BCHE: variants seen among roughly 807,000 people sequenced by gnomAD.
BCHE encodes the protein butyrylcholinesterase, also known as cholinesterase.
BCHE carries 48 observed loss-of-function variants against 51.3 expected under a neutral mutation model. The observed-to-expected ratio is 0.94, with a 90% confidence interval of 0.74 to 1.19. The LOEUF (loss-of-function observed/expected upper bound fraction) is 1.19, where lower values mean the gene tolerates loss of function less well. Ranked by LOEUF, BCHE falls within the 50% of genes most tolerant of loss-of-function variation. The pLI is 0.00. For synonymous variants in BCHE, 251 were observed against 238.0 expected (o/e 1.05, Z -0.50); for missense variants, 847 against 708.2 (o/e 1.20, Z -2.23).
At chr3:165,795,905 A>G (rs568509678) in intron 2 of BCHE, among the ~76,000 whole-genome samples, 2 of 152,168 alleles carry the variant, frequency 1.3e-5, no homozygotes, top group Admixed American at 6.5e-5. Flanking sequence ...GAATTTGGAT[A>G]TAGGTTTTTA....
chr3:165,830,592 T>C lies in BCHE; in HGVS notation c.442A>G (p.Thr148Ala). 2 of 1,614,010 alleles carry C rather than the reference T, an allele frequency of 1.2e-6. No homozygotes were observed. The highest frequency in any genetic ancestry group is 1.7e-6 in the Non-Finnish European group (2 of 1,179,954). ...TAAACATGTAAAGATGATGTTCCAG[T>C]TTGAAAACCACCACCATAAATCCAT... ...LIWIYGGGFQ[T>A]GTSSLHVYDG... Residue 148 changes from threonine to alanine, a missense_variant, in exon 2 of 4, where the codon ACT becomes GCT. By Grantham distance (58) the Thr-to-Ala change is moderately conservative (BLOSUM62 0). Transcript: ENST00000264381.
At chr3:165,784,540 C>T (rs1712866341) in intron 3 of BCHE, among the ~76,000 whole-genome samples, 2 of 151,812 alleles carry the variant, frequency 1.3e-5, no homozygotes, top group Non-Finnish European at 2.9e-5. Flanking sequence ...TAGAGCTCAG[C>T]GTTACACAAG....
intron 3 of BCHE, among the ~76,000 whole-genome samples, chr3:165,781,829 T>A (rs967759962): frequency 1.3e-5 from 2 of 152,178 alleles, no homozygotes; most frequent in Non-Finnish European, 2.9e-5. Flanking sequence ...TCTGGCAGAT[T>A]ATAAATTTTT....
intron 3 of BCHE, among the ~76,000 whole-genome samples, chr3:165,776,478 T>G (rs1026739544): frequency 1.3e-5 from 2 of 151,622 alleles, no homozygotes; most frequent in Non-Finnish European, 2.9e-5. Flanking sequence ...ATATTTTTTA[T>G]GAGAAAGGGA....
chr3:165,810,928 A>G (rs1247212730), intron 2 of BCHE, among the ~76,000 whole-genome samples: 1 of 152,194 alleles, frequency 6.6e-6, no homozygotes, highest in African/African-American at 2.4e-5. Context: ...AGATTAATAT[A>G]TAACAACTCT....
At chr3:165,793,467 C>T (rs942894313) in intron 2 of BCHE, among the ~76,000 whole-genome samples, 20 of 152,152 alleles carry the variant, frequency 1.3e-4, no homozygotes, top group Admixed American at 1.2e-3. Flanking sequence ...TTCAAACTAT[C>T]ATTTGATTGC....
At chr3:165,776,876 T>C (rs1271973758) in intron 3 of BCHE, among the ~76,000 whole-genome samples, 1 of 151,782 alleles carries the variant, frequency 6.6e-6, no homozygotes, top group Non-Finnish European at 1.5e-5. Flanking sequence ...ATAAAAAGTG[T>C]CTTAATTCAT....
rs920675237 is a variant in BCHE, at chr3:165,830,110, G to A, written c.924C>T (p.Val308=). The part of the protein sequence containing the change: ...QEILLNEAFV[V]PYGTPLSVNF... ...TTACTGACAAAGGAGTCCCATAGGG[G>A]ACAACAAATGCTTCATTCAGAAGAA... The change falls in exon 2 of 4, where the codon GTC becomes GTT. Residue 308 remains valine (V), a synonymous_variant. Coordinates refer to ENST00000264381, the MANE Select transcript of BCHE (RefSeq NM_000055.4). 1.2e-6 allele frequency: 2 copies of A among 1,613,822 alleles called. No homozygotes were observed. The highest frequency in any genetic ancestry group is 8.5e-7 in the Non-Finnish European group (1 of 1,179,886).
chr3:165,773,684 C>A (rs1365813202), intron 3 of BCHE, among the ~76,000 whole-genome samples, 178 bp from the exon 4 acceptor site: 1 of 151,814 alleles, frequency 6.6e-6, no homozygotes. Context: ...TTAATAAAAT[C>A]TTTACAGATT....
Position 165,773,319 on chromosome 3 carries a change from AG to A in BCHE, c.*62del, listed in dbSNP as rs1712327186. 1 of 1,502,078 alleles carries A rather than the reference AG, an allele frequency of 6.7e-7. No individual in the cohort carries two copies. Among genetic ancestry groups the A allele is most frequent in the Non-Finnish European group, 9.1e-7 (1 of 1,093,760 alleles). 93.0% of individuals were successfully genotyped at this position (1,502,078 alleles called of 1,614,324 possible). The stretch of plus-strand genomic sequence containing the variant: ...AACTTTTTTAGTAGGTGTGTAAAAA[AG>A]CTCCTGATATTTTTGCCTTGATCTA... On this transcript the variant is annotated 3_prime_UTR_variant, in exon 4 of 4. Coordinates refer to ENST00000264381, the MANE Select transcript of BCHE (RefSeq NM_000055.4).
chr3:165,824,873 T>C (rs906475218), intron 2 of BCHE, among the ~76,000 whole-genome samples: 4 of 152,062 alleles, frequency 2.6e-5, no homozygotes, highest in Non-Finnish European at 5.9e-5. Flanking sequence ...ACCATATTCA[T>C]GGATTTAAAA....
chr3:165,773,397 A>G lies in BCHE; in HGVS notation c.1794T>C (p.Ser598=), dbSNP rs148569288. The change falls in exon 4 of 4, where the codon AGT becomes AGC. Residue 598 remains serine, a synonymous_variant. Transcript: ENST00000264381. ...AATCTATTAATTAGAGACCCACACAACTTTCTTTCTTGCTAGTGTAATCGT... is the reference window on the plus strand; with the variant it reads ...AATCTATTAATTAGAGACCCACACAGCTTTCTTTCTTGCTAGTGTAATCGT... ...QFNDYTSKKE[S]CVGL is the part of the protein sequence containing the mutation. The G allele has an allele frequency of 1.3e-4, 208 of 1,611,122 alleles. No individual in the cohort carries two copies. Among genetic ancestry groups the G allele is most frequent in the Middle Eastern group, 8.2e-4 (5 of 6,070 alleles).
At chr3:165,795,633 C>A (rs1327751538) in intron 2 of BCHE, among the ~76,000 whole-genome samples, 1 of 152,046 alleles carries the variant, frequency 6.6e-6, no homozygotes, top group African/African-American at 2.4e-5. Context: ...GAACAATTCC[C>A]TAGATTCATT....
chr3:165,826,516 G>T (rs1394602290), intron 2 of BCHE, among the ~76,000 whole-genome samples: 1 of 151,972 alleles, frequency 6.6e-6, no homozygotes, highest in Non-Finnish European at 1.5e-5. Flanking sequence ...AAAGAGGTGG[G>T]GGGGGACTTT....
intron 1 of BCHE, 34 bp downstream of exon 1, chr3:165,837,280 C>G (rs1715221159): frequency 8.2e-7 from 1 of 1,221,772 alleles, no homozygotes; most frequent in South Asian, 1.3e-5. Context: ...TAACTTGGAT[C>G]TCTACACGAA....
At chr3:165,800,284 A>G (rs1444257529) in intron 2 of BCHE, among the ~76,000 whole-genome samples, 2 of 152,084 alleles carry the variant, frequency 1.3e-5, no homozygotes, top group African/African-American at 4.8e-5. Context: ...TTCACTTTTA[A>G]TAATGGAATA....
chr3:165,795,255 T>C (rs988864509), intron 2 of BCHE, among the ~76,000 whole-genome samples: 10 of 152,224 alleles, frequency 6.6e-5, no homozygotes, highest in Admixed American at 1.3e-4. Context: ...ATGTCCTTCA[T>C]CTGCTGATGA....
intron 1 of BCHE, among the ~76,000 whole-genome samples, chr3:165,834,449 T>G (rs1378069750): frequency 1.3e-5 from 2 of 151,990 alleles, no homozygotes; most frequent in Admixed American, 1.3e-4. Context: ...TTGCAGAGTG[T>G]CATATGACAT....
intron 2 of BCHE, among the ~76,000 whole-genome samples, chr3:165,802,810 C>T (rs1221952530): frequency 6.6e-6 from 1 of 152,052 alleles, no homozygotes; most frequent in Non-Finnish European, 1.5e-5. Context: ...GGCGCGATCT[C>T]GGCTCACTGC....
Sources: gnomAD v4.1 joint callset for allele counts (sites outside exome capture counted in the v4.1 genomes callset) on GRCh38, gnomAD v4.1.1 for gene constraint, MANE v1.5 for transcripts, NCBI Gene and HGNC (gene_info 2026-07-23, HGNC 2026-07-21) for gene names.